Variants in CLVS1 observed in about 807,000 individuals in gnomAD.
CLVS1 encodes clavesin-1.
In CLVS1, 10 loss-of-function variants were observed where a neutral mutation model predicts 33.1. The observed-to-expected ratio is 0.30, with a 90% CI of 0.19 to 0.51. The LOEUF (loss-of-function observed/expected upper bound fraction) is 0.51, where lower values mean the gene tolerates loss of function less well. Ranked by LOEUF, CLVS1 falls within the 20% of genes least tolerant of loss-of-function variation. CLVS1 has a pLI of 0.97. For missense variants in CLVS1, 343 were observed against 433.4 expected, an observed-to-expected ratio of 0.79 and a Z score of 1.85; for synonymous variants, 163 against 166.1, an observed-to-expected ratio of 0.98 and a Z score of 0.14.
At chr8:61,347,433 G>A (rs1212676467) in intron 2 of CLVS1, among the ~76,000 whole-genome samples, 1 of 151,778 alleles carries the variant, frequency 6.6e-6, no homozygotes, top group Non-Finnish European at 1.5e-5. Context: ...ACTCAAAGGA[G>A]CAGAGAGTAG....
intron 5 of CLVS1, among the ~76,000 whole-genome samples, chr8:61,480,336 TG>T (rs1818137804): frequency 6.6e-6 from 1 of 152,196 alleles, no homozygotes; most frequent in Admixed American, 6.5e-5. Context: ...CTCAGACTGC[TG>T]TGCTAGCAAT....
At chr8:61,457,793 G>A (rs1386969016) in intron 4 of CLVS1, among the ~76,000 whole-genome samples, 5 of 152,116 alleles carry the variant, frequency 3.3e-5, no homozygotes, top group African/African-American at 1.2e-4. Context: ...ACAGAAGTCG[G>A]CAGTCAGCAG....
chr8:61,257,869 G>C (rs551139976), intron 2 of CLVS1, among the ~76,000 whole-genome samples: 1 of 152,244 alleles, frequency 6.6e-6, no homozygotes, highest in South Asian at 2.1e-4. Flanking sequence ...TATGTGTCTT[G>C]TTTCTCTAGA....
chr8:61,389,749 C>T (rs1210249884), intron 3 of CLVS1, among the ~76,000 whole-genome samples: 1 of 152,158 alleles, frequency 6.6e-6, no homozygotes, highest in Non-Finnish European at 1.5e-5. Flanking sequence ...TCATATTCAA[C>T]AAGCATTACT....
At chr8:61,376,513 A>G in intron 2 of CLVS1, 92 bp from the exon 3 acceptor site, 1 of 1,226,416 alleles carries the variant, frequency 8.2e-7, no homozygotes, top group Non-Finnish European at 1.2e-6. Context: ...GGGTTCATGG[A>G]GCAGTGGCAT....
At chr8:61,166,040 T>TTGTTTTTG (rs1368902428) in intron 2 of CLVS1, among the ~76,000 whole-genome samples, 4 of 151,290 alleles carry the variant, frequency 2.6e-5, no homozygotes, top group African/African-American at 7.3e-5. Flanking sequence ...CGTTTTTTTT[T>TTGTTTTTG]TTTTTGCCTG....
chr8:61,147,305 G>A (rs904165754), intron 2 of CLVS1, among the ~76,000 whole-genome samples: 1 of 152,208 alleles, frequency 6.6e-6, no homozygotes, highest in Non-Finnish European at 1.5e-5. Context: ...GAACAGCCAA[G>A]AGATTTTTCA....
chr8:61,387,466 CT>C lies in CLVS1; in HGVS notation c.630+10708del, dbSNP rs372983692. Among the ~76,000 whole-genome samples, 388 of 109,302 alleles carry C rather than the reference CT, an allele frequency of 3.5e-3. 3 individuals carry two copies. The highest frequency in any genetic ancestry group is 0.035 in the South Asian group (107 of 3,062). 71.7% of individuals were successfully genotyped at this position (109,302 alleles called of 152,430 possible). A position where few individuals can be genotyped will look rare whatever the true frequency, so the allele number is the denominator to read the frequency against. ...AAGACAAAATTCCACTGTACAGTTC[CT>C]TTTTTTTTTTTTTTTTTTTTAAATT... On this transcript the variant is annotated intron_variant, in intron 3 of 5. Transcript: ENST00000325897.
intron 2 of CLVS1, among the ~76,000 whole-genome samples, chr8:61,248,673 C>T (rs545835130): frequency 4.0e-5 from 6 of 151,460 alleles, no homozygotes; most frequent in Admixed American, 3.3e-4. Context: ...ACAGTATGTA[C>T]AATGTAAGTT....
At chr8:61,432,763 G>A (rs569189391) in intron 3 of CLVS1, among the ~76,000 whole-genome samples, 4 of 152,124 alleles carry the variant, frequency 2.6e-5, no homozygotes, top group Non-Finnish European at 4.4e-5. Flanking sequence ...AGTATAAACC[G>A]AAAAGTGACC....
In CLVS1 at chr8:61,357,494, C is replaced by CTTT. The variant is rs1167743712; in HGVS notation, c.456-19085_456-19083dup. Among the ~76,000 whole-genome samples the CTTT allele has an allele frequency of 4.3e-3, 111 of 25,790 alleles. 14 individuals carry two copies. Among genetic ancestry groups the CTTT allele is most frequent in the African/African-American group, 7.6e-3 (77 of 10,070 alleles). 16.9% of individuals were successfully genotyped at this position (25,790 alleles called of 152,430 possible). On this transcript the variant is annotated intron_variant, in intron 2 of 5. Transcript: ENST00000325897. ...CTTCTTTTTCTTTCCTTTTTCTTTT[C>CTTT]TTTTTTTTTTTTTTTTTTTTTTTTT...
At chr8:61,068,844 C>G (rs12544001) in intron 1 of CLVS1, among the ~76,000 whole-genome samples, 84,352 of 152,074 alleles carry the variant, frequency 0.55, 26,208 homozygotes, top group African/African-American at 0.84. Context: ...TGTTCCTTCT[C>G]TTCCTACCGA....
chr8:61,053,160 C>T (rs565350538), upstream of CLVS1, among the ~76,000 whole-genome samples: 1 of 152,252 alleles, frequency 6.6e-6, no homozygotes, highest in African/African-American at 2.4e-5. Flanking sequence ...ATTTCAGACA[C>T]CTGTAGGTCA....
chr8:61,497,429 T>C (rs1407149909), intron 5 of CLVS1, among the ~76,000 whole-genome samples: 1 of 99,658 alleles, frequency 1.0e-5, no homozygotes, highest in Non-Finnish European at 1.9e-5. Flanking sequence ...TGCCCTGGTG[T>C]CCAGGTTTTT....
At chr8:61,128,547 A>G (rs550735263) in intron 1 of CLVS1, among the ~76,000 whole-genome samples, 2 of 152,208 alleles carry the variant, frequency 1.3e-5, no homozygotes, top group African/African-American at 2.4e-5. Context: ...AAGTCATGTA[A>G]CATGGCATGA....
intron 2 of CLVS1, among the ~76,000 whole-genome samples, chr8:61,135,846 G>A (rs1366889896): frequency 1.3e-5 from 2 of 152,200 alleles, no homozygotes; most frequent in Admixed American, 6.5e-5. Flanking sequence ...AGATGCATTC[G>A]CCTTGGTGAC....
Position 61,483,552 on chromosome 8 carries a change from A to C in CLVS1, c.978-15903A>C, listed in dbSNP as rs1303392485. ...GTACCACTCCTTCTGAAACTATTCC[A>C]ATCAATAGAAACAGAGGGAATATTT... On this transcript the variant is annotated intron_variant, in intron 5 of 5. Coordinates refer to ENST00000325897, the MANE Select transcript of CLVS1 (RefSeq NM_173519.3). Among the ~76,000 whole-genome samples, 6 of 152,244 alleles carry C rather than the reference A, an allele frequency of 3.9e-5. No individual in the cohort carries two copies. The South Asian group carries it at 1.0e-3, about 26-fold the overall frequency.
chr8:61,084,481 C>G (rs973435750), intron 1 of CLVS1, among the ~76,000 whole-genome samples: 1 of 152,176 alleles, frequency 6.6e-6, no homozygotes, highest in African/African-American at 2.4e-5. Flanking sequence ...AGTTCTACTA[C>G]TAGCTAGTGA....
At chr8:61,275,071 C>A (rs1300968231) in intron 2 of CLVS1, among the ~76,000 whole-genome samples, 1 of 152,022 alleles carries the variant, frequency 6.6e-6, no homozygotes, top group African/African-American at 2.4e-5. Context: ...AAAAGAAAGA[C>A]AAAAGGCTAT....
Sources: allele counts gnomAD v4.1 joint callset (sites outside exome capture counted in the v4.1 genomes callset), GRCh38; gene constraint gnomAD v4.1.1; transcripts MANE v1.5; gene names NCBI Gene and HGNC (gene_info 2026-07-23, HGNC 2026-07-21).